Variants in KCNAB1 observed in about 807,000 individuals in gnomAD.
The protein encoded by KCNAB1 is voltage-gated potassium channel subunit beta-1.
A neutral mutation model predicts 64.6 loss-of-function variants in KCNAB1; 35 were observed. The observed-to-expected ratio is 0.54, with a 90% CI of 0.41 to 0.72. The LOEUF (loss-of-function observed/expected upper bound fraction) is 0.72. Among genes scored for constraint, KCNAB1 ranks in the 30% least tolerant of loss-of-function variants. The pLI is 0.00. For missense variants in KCNAB1, 401 were observed against 512.9 expected (o/e 0.78, Z 2.11); for synonymous variants, 177 against 183.8 (o/e 0.96, Z 0.30).
At chr3:156,367,309 G>C (rs1016728317) in intron 1 of KCNAB1, among the ~76,000 whole-genome samples, 3 of 151,396 alleles carry the variant, frequency 2.0e-5, no homozygotes, top group Non-Finnish European at 4.4e-5. Flanking sequence ...CCAAGTAGCT[G>C]AGACTACAGG....
intron 2 of KCNAB1, among the ~76,000 whole-genome samples, chr3:156,438,794 T>C (rs1716772577): frequency 6.6e-6 from 1 of 152,222 alleles, no homozygotes; most frequent in African/African-American, 2.4e-5. Context: ...GGTGGGCCGA[T>C]CACGATGTCA....
chr3:156,502,540 AC>A (rs1716521285), intron 8 of KCNAB1, among the ~76,000 whole-genome samples: 1 of 48,390 alleles, frequency 2.1e-5, no homozygotes, highest in Non-Finnish European at 5.2e-5. Flanking sequence ...AACCACACAC[AC>A]ACACACACAC....
chr3:156,156,825 A>T (rs1465470470), intron 1 of KCNAB1, among the ~76,000 whole-genome samples: 2 of 152,212 alleles, frequency 1.3e-5, no homozygotes, highest in African/African-American at 4.8e-5. Context: ...TGCTCAAAAT[A>T]TAAATATAAA....
chr3:156,342,585 C>CTTTTT lies in KCNAB1; in HGVS notation c.276-79013_276-79009dup, dbSNP rs60982892. Reference sequence around the variant, plus strand: ...ATTTTTGAAAGCTCCCTATGTGTTTCTTTTTTTTTTTTTTTTTTTTTTAAT... The same window carrying CTTTTT: ...ATTTTTGAAAGCTCCCTATGTGTTTCTTTTTTTTTTTTTTTTTTTTTTTTTTTAAT... On this transcript the variant is annotated intron_variant, in intron 1 of 13. Coordinates refer to ENST00000490337, the MANE Select transcript of KCNAB1 (RefSeq NM_172160.3). Among the ~76,000 whole-genome samples the CTTTTT allele has an allele frequency of 4.6e-5, 4 of 86,264 alleles. No individual in the cohort carries two copies. In the South Asian group the frequency reaches 1.5e-3, roughly 33 times the overall value. 56.6% of individuals were successfully genotyped at this position (86,264 alleles called of 152,430 possible). A position where few individuals can be genotyped will look rare whatever the true frequency, so the allele number is the denominator to read the frequency against.
intron 1 of KCNAB1, among the ~76,000 whole-genome samples, chr3:156,284,721 C>G (rs998595158): frequency 2.6e-5 from 4 of 152,190 alleles, no homozygotes; most frequent in African/African-American, 9.7e-5. Flanking sequence ...GTGGGAGTGA[C>G]CCGATTTTCC....
At chr3:156,425,626 T>C (rs1559878253) in intron 2 of KCNAB1, among the ~76,000 whole-genome samples, 1 of 152,082 alleles carries the variant, frequency 6.6e-6, no homozygotes, top group East Asian at 1.9e-4. Flanking sequence ...GAGAGAAAAA[T>C]GGTAGAATTT....
intron 2 of KCNAB1, among the ~76,000 whole-genome samples, chr3:156,447,638 C>A (rs185214356): frequency 3.9e-5 from 6 of 152,256 alleles, no homozygotes; most frequent in African/African-American, 1.2e-4. Flanking sequence ...CTACAGAATA[C>A]TTGATGAGTA....
intron 8 of KCNAB1, among the ~76,000 whole-genome samples, chr3:156,509,566 G>C (rs1428235243): frequency 6.6e-6 from 1 of 152,166 alleles, no homozygotes; most frequent in African/African-American, 2.4e-5. Context: ...TTTCAGTGGA[G>C]CCTGGGCCTG....
chr3:156,290,208 C>G (rs1040812199), intron 1 of KCNAB1, among the ~76,000 whole-genome samples: 1 of 152,170 alleles, frequency 6.6e-6, no homozygotes, highest in African/African-American at 2.4e-5. Context: ...TTAGTCAGAC[C>G]CTTTAAGGCT....
chr3:156,443,780 AC>A (rs34593515), intron 2 of KCNAB1, among the ~76,000 whole-genome samples: 45 of 141,652 alleles, frequency 3.2e-4, no homozygotes, highest in African/African-American at 1.1e-3. Context: ...ACACACACAC[AC>A]TATTCTTTAC....
chr3:156,214,304 T>G (rs1335323327), intron 1 of KCNAB1, among the ~76,000 whole-genome samples: 1 of 152,178 alleles, frequency 6.6e-6, no homozygotes, highest in Non-Finnish European at 1.5e-5. Context: ...GAACTGCTAC[T>G]TATGATTGGC....
intron 1 of KCNAB1, among the ~76,000 whole-genome samples, chr3:156,364,392 A>C (rs1286962280): frequency 6.6e-6 from 1 of 152,206 alleles, no homozygotes; most frequent in African/African-American, 2.4e-5. Flanking sequence ...GATGAATATC[A>C]AATGATGATC....
At chr3:156,284,630 A>C (rs4392375) in intron 1 of KCNAB1, among the ~76,000 whole-genome samples, 1 of 151,992 alleles carries the variant, frequency 6.6e-6, no homozygotes, top group South Asian at 2.1e-4. Flanking sequence ...CTCCGTGGGC[A>C]TAGGACCCTC....
chr3:156,204,815 G>C (rs1374764852), intron 1 of KCNAB1, among the ~76,000 whole-genome samples: 4 of 152,094 alleles, frequency 2.6e-5, no homozygotes, highest in Non-Finnish European at 5.9e-5. Context: ...CTGGGCGACA[G>C]AGTGAGACTC....
chr3:156,297,383 G>A (rs766594985), intron 1 of KCNAB1, among the ~76,000 whole-genome samples: 1 of 150,292 alleles, frequency 6.7e-6, no homozygotes, highest in Non-Finnish European at 1.5e-5. Flanking sequence ...ATTTAGACAC[G>A]AGGGAACATC....
intron 1 of KCNAB1, among the ~76,000 whole-genome samples, chr3:156,223,360 C>G (rs571710483): frequency 1.6e-4 from 25 of 152,370 alleles, no homozygotes; most frequent in Non-Finnish European, 2.1e-4. Context: ...TTATCTGGCC[C>G]TACCCACATC....
intron 8 of KCNAB1, among the ~76,000 whole-genome samples, chr3:156,476,694 C>T (rs973614319): frequency 4.6e-5 from 7 of 152,068 alleles, no homozygotes; most frequent in African/African-American, 7.2e-5. Flanking sequence ...GCTGTAAACA[C>T]GCGTGTTCTT....
At chr3:156,198,872 T>C (rs1367544981) in intron 1 of KCNAB1, among the ~76,000 whole-genome samples, 1 of 151,190 alleles carries the variant, frequency 6.6e-6, no homozygotes, top group African/African-American at 2.4e-5. Flanking sequence ...GCATATTAAT[T>C]GATGCAGTTT....
chr3:156,441,169 TA>T, intron 2 of KCNAB1: 1 of 152,326 alleles, frequency 6.6e-6, no homozygotes, highest in Middle Eastern at 3.4e-3. Context: ...GCCATGGAAT[TA>T]AAATTTATTT....
Sources: gnomAD v4.1 joint callset for allele counts (sites outside exome capture counted in the v4.1 genomes callset) on GRCh38, gnomAD v4.1.1 for gene constraint, MANE v1.5 for transcripts, NCBI Gene and HGNC (gene_info 2026-07-23, HGNC 2026-07-21) for gene names.